GPHN: variants seen among roughly 807,000 people sequenced by gnomAD.
GPHN encodes gephyrin.
GPHN carries 17 observed loss-of-function variants against 95.5 expected under a neutral mutation model. The ratio of observed to expected loss-of-function variants is 0.18; its 90% CI spans 0.12 to 0.27. GPHN has a LOEUF of 0.27. Ranked by LOEUF, GPHN falls within the 10% of genes least tolerant of loss-of-function variation. GPHN has a pLI of 1.00. For missense variants in GPHN, 660 were observed against 978.1 expected (o/e 0.67, Z 4.34); for synonymous variants, 320 against 322.5 (o/e 0.99, Z 0.08).
the GPHN span, among the ~76,000 whole-genome samples, chr14:67,355,055 G>A: frequency 5.8e-3 from 879 of 151,968 alleles, 10 homozygotes; most frequent in South Asian, 5.4e-3. Flanking sequence ...CAGGTGATCC[G>A]CCCACCTCGG....
the GPHN span, among the ~76,000 whole-genome samples, chr14:67,710,931 C>T: frequency 6.6e-6 from 1 of 152,130 alleles, no homozygotes; most frequent in African/African-American, 2.4e-5. Context: ...TGATAGTCAT[C>T]ATTTAAAATT....
At chr14:66,845,866 T>TGTGC (rs2062314093) in intron 4 of GPHN, among the ~76,000 whole-genome samples, 3 of 151,558 alleles carry the variant, frequency 2.0e-5, no homozygotes, top group Admixed American at 1.3e-4. Flanking sequence ...TGTGTCTGTG[T>TGTGC]GCGTGCGCAC....
chr14:66,674,842 G>T (rs1232236690), intron 1 of GPHN, among the ~76,000 whole-genome samples: 2 of 152,270 alleles, frequency 1.3e-5, no homozygotes, highest in African/African-American at 2.4e-5. Flanking sequence ...GCCCATTCCT[G>T]TGATTGCTGG....
the GPHN span, among the ~76,000 whole-genome samples, chr14:67,375,286 CAA>C: frequency 6.9e-6 from 1 of 145,586 alleles, no homozygotes; most frequent in Admixed American, 6.9e-5. Context: ...GTGTGTGTCA[CAA>C]AGTCTTTCCC....
chr14:67,243,870 C>G, the GPHN span, among the ~76,000 whole-genome samples: 1 of 152,202 alleles, frequency 6.6e-6, no homozygotes, highest in African/African-American at 2.4e-5. Flanking sequence ...GTTATATAGT[C>G]TAACCTCTTC....
At chr14:67,364,614 G>C in the GPHN span, 1 of 702,026 alleles carries the variant, frequency 1.4e-6, no homozygotes, top group Non-Finnish European at 2.2e-6. Flanking sequence ...CTGTTTTCTG[G>C]TACCACTTAA....
At chr14:66,920,475 A>G (rs953134899) in intron 6 of GPHN, among the ~76,000 whole-genome samples, 1 of 151,018 alleles carries the variant, frequency 6.6e-6, no homozygotes, top group Non-Finnish European at 1.5e-5. Context: ...CTCATAATGC[A>G]TCTTTCAACT....
chr14:66,589,885 T>C (rs1365715668), intron 1 of GPHN, among the ~76,000 whole-genome samples: 1 of 152,194 alleles, frequency 6.6e-6, no homozygotes, highest in Non-Finnish European at 1.5e-5. Context: ...TACATTCTTC[T>C]CAGCACCACA....
chr14:67,720,457 C>T, the GPHN span, among the ~76,000 whole-genome samples: 1 of 152,184 alleles, frequency 6.6e-6, no homozygotes, highest in Non-Finnish European at 1.5e-5. Context: ...CTTCTTAATA[C>T]TTCAGTGGTT....
chr14:67,637,948 G>A, the GPHN span, among the ~76,000 whole-genome samples: 1 of 152,194 alleles, frequency 6.6e-6, no homozygotes, highest in Admixed American at 6.5e-5. Flanking sequence ...GTCTTGAAAA[G>A]AGGAGGTGTG....
chr14:66,923,886 G>A (rs769705521), intron 7 of GPHN, among the ~76,000 whole-genome samples: 2 of 151,750 alleles, frequency 1.3e-5, no homozygotes, highest in East Asian at 3.9e-4. Flanking sequence ...CTAAAGGCTA[G>A]TAAGTATTTA....
chr14:67,013,469 C>T (rs1359992988), intron 9 of GPHN, among the ~76,000 whole-genome samples: 1 of 151,946 alleles, frequency 6.6e-6, no homozygotes, highest in Non-Finnish European at 1.5e-5. Context: ...TTAAACTATA[C>T]TTGTTAACTA....
At chr14:66,866,535 A>G (rs1349766984) in intron 4 of GPHN, among the ~76,000 whole-genome samples, 1 of 152,180 alleles carries the variant, frequency 6.6e-6, no homozygotes, top group East Asian at 1.9e-4. Context: ...ATGTTTAGAT[A>G]AAAGTTATTG....
intron 8 of GPHN, among the ~76,000 whole-genome samples, chr14:66,945,486 A>G (rs1011245131): frequency 6.6e-6 from 1 of 152,110 alleles, no homozygotes; most frequent in African/African-American, 2.4e-5. Context: ...AAAGTGTGGG[A>G]GGGGGTTGAG....
the GPHN span, chr14:67,205,121 T>G: frequency 6.5e-7 from 1 of 1,528,088 alleles, no homozygotes; most frequent in South Asian, 1.2e-5. Flanking sequence ...CATGCTTTAA[T>G]AATCGAGAAC....
intron 1 of GPHN, among the ~76,000 whole-genome samples, chr14:66,671,099 C>T (rs957165221): frequency 6.6e-6 from 1 of 152,124 alleles, no homozygotes; most frequent in Non-Finnish European, 1.5e-5. Flanking sequence ...TAATGCTAAT[C>T]TGTATGGAGT....
the GPHN span, chr14:67,541,990 CA>C: frequency 6.2e-7 from 1 of 1,603,904 alleles, no homozygotes; most frequent in African/African-American, 1.3e-5. Context: ...TGCTGGCTGA[CA>C]AGGTGAGTCC....
At chr14:66,604,161 G>A (rs1260197746) in intron 1 of GPHN, among the ~76,000 whole-genome samples, 1 of 152,020 alleles carries the variant, frequency 6.6e-6, no homozygotes, top group South Asian at 2.1e-4. Context: ...GTGTCATAGA[G>A]TCCTTTGTAG....
At chr14:67,411,645 C>A in the GPHN span, among the ~76,000 whole-genome samples, 4 of 152,310 alleles carry the variant, frequency 2.6e-5, no homozygotes, top group African/African-American at 7.2e-5. Flanking sequence ...TAGTAGCATT[C>A]CTCCTTCACA....
Sources: gnomAD v4.1 joint callset for allele counts (sites outside exome capture counted in the v4.1 genomes callset) on GRCh38, gnomAD v4.1.1 for gene constraint, MANE v1.5 for transcripts, NCBI Gene and HGNC (gene_info 2026-07-23, HGNC 2026-07-21) for gene names.